The following DDX3X variants were observed in gnomAD, a reference collection of about 807,000 sequenced individuals.
DDX3X encodes ATP-dependent RNA helicase DDX3X.
Under a neutral mutation model 52.7 loss-of-function variants are expected in DDX3X, and 4 were observed. The ratio of observed to expected loss-of-function variants is 0.08; its 90% CI spans 0.04 to 0.17. The LOEUF (loss-of-function observed/expected upper bound fraction) is 0.17, where lower values mean the gene tolerates loss of function less well. DDX3X is among the 10% of genes least tolerant of loss of function. The probability of loss-of-function intolerance (pLI) is 1.00; values close to 1 mark genes in which losing one functional copy is unlikely to be tolerated. For missense variants in DDX3X, 222 were observed against 548.6 expected (o/e 0.40, Z 5.95); for synonymous variants, 192 against 178.1 (o/e 1.08, Z -0.62).
chrX:41,340,710 G>C (rs1325197220), intron 3 of DDX3X: 1 of 291,842 alleles, frequency 3.4e-6, no homozygotes, highest in Non-Finnish European at 6.0e-6. Flanking sequence ...TAGTGTTCTT[G>C]TACTTTATAC....
Position 41,347,839 on chromosome X carries a change from C to A in DDX3X, c.*120C>A. 1 of 488,664 alleles carries A rather than the reference C, an allele frequency of 2.0e-6. No individual in the cohort carries two copies. The highest frequency in any genetic ancestry group is 3.4e-6 in the Non-Finnish European group (1 of 295,956). The allele number at this position is 488,664 out of a possible 1,213,427, so 40.3% of individuals were successfully genotyped here. A position where few individuals can be genotyped will look rare whatever the true frequency, so the allele number is the denominator to read the frequency against. ...CAGTACATTACCAGCTGTGATTCTC[C>A]ACTGAAATTTTTTTTTTAAGGGAGC... is the stretch of plus-strand genomic sequence containing the variant. On this transcript the variant is annotated 3_prime_UTR_variant, in exon 17 of 17. Transcript: ENST00000644876.
chrX:41,343,566 T>G, intron 7 of DDX3X, 171 bp from the exon 8 acceptor site: 1 of 539,245 alleles, frequency 1.9e-6, no homozygotes, highest in South Asian at 3.7e-5. Context: ...TACAAAATAG[T>G]CTCAGTTTGC....
chrX:41,334,307 A>C lies in DDX3X; in HGVS notation c.45+10A>C, dbSNP rs1191798525. ...CGGGCTGGACCAGCAGGTGAGCCGC[A>C]AGAACCCCACCGGGCTGGCTGCTGC... On this transcript the variant is annotated intron_variant, in intron 1 of 16. Transcript: ENST00000644876. 2.5e-6 allele frequency: 3 copies of C among 1,209,178 alleles called. No homozygotes were observed. Among genetic ancestry groups the C allele is most frequent in the Non-Finnish European group, 3.4e-6 (3 of 894,368 alleles).
intron 15 of DDX3X, 137 bp downstream of exon 15, chrX:41,347,149 T>G: frequency 1.1e-6 from 1 of 909,840 alleles, no homozygotes; most frequent in Non-Finnish European, 1.5e-6. Flanking sequence ...CTAGATTCTT[T>G]GGTAAGGGGT....
At chrX:41,339,293 A>T (rs777631273) in intron 3 of DDX3X, 12 of 200,182 alleles carry the variant, frequency 6.0e-5, no homozygotes, top group South Asian at 2.5e-4. Flanking sequence ...CCTATGTCAA[A>T]CTGTTCTGAC....
intron 6 of DDX3X, 68 bp downstream of exon 6, chrX:41,342,904 G>A (rs1407050303): frequency 2.2e-6 from 2 of 921,736 alleles, no homozygotes; most frequent in African/African-American, 3.9e-5. Context: ...ATTAGAATGT[G>A]AGATGGGCTT....
intron 14 of DDX3X, 63 bp from the exon 15 acceptor site, chrX:41,346,796 G>A: frequency 9.4e-7 from 1 of 1,061,857 alleles, no homozygotes; most frequent in Non-Finnish European, 1.3e-6. Context: ...AGGAAAGTAA[G>A]AATAGTAGCA....
chrX:41,344,413 T>C lies in DDX3X; in HGVS notation c.1025+14T>C. Reference sequence around the variant, plus strand: ...AGACTTTTGCAAGTATGTTTTATTTTGTTTTTGTTTTTTTGTTTTGTTTTG... The same window carrying C: ...AGACTTTTGCAAGTATGTTTTATTTCGTTTTTGTTTTTTTGTTTTGTTTTG... On this transcript the variant is annotated intron_variant, in intron 10 of 16. Transcript: ENST00000644876. 1 of 1,208,182 alleles carries C rather than the reference T, an allele frequency of 8.3e-7. No individual in the cohort carries two copies. Among genetic ancestry groups the C allele is most frequent in the Admixed American group, 2.2e-5 (1 of 45,982 alleles).
chrX:41,353,157 T>C (rs755407378), downstream of DDX3X, among the ~76,000 whole-genome samples: 1 of 110,675 alleles, frequency 9.0e-6, no homozygotes, highest in South Asian at 3.8e-4. Flanking sequence ...GCTAAACTAA[T>C]GTTTTAAAAT....
intron 5 of DDX3X, among the ~76,000 whole-genome samples, chrX:41,360,881 G>C (rs937865816): frequency 2.8e-5 from 3 of 108,751 alleles, no homozygotes; most frequent in Non-Finnish European, 3.8e-5. Flanking sequence ...TCTTTGTTTG[G>C]GGGGGGCACA....
At chrX:41,357,729 T>A in intron 5 of DDX3X, 1 of 278,243 alleles carries the variant, frequency 3.6e-6, no homozygotes, top group Non-Finnish European at 6.3e-6. Context: ...AGCCACTGCG[T>A]GCAGCCTAAA....
upstream of DDX3X, chrX:41,333,484 C>T (rs1276161395): frequency 2.8e-5 from 3 of 108,110 alleles, no homozygotes; most frequent in African/African-American, 1.0e-4. Context: ...CCTCCCCCGT[C>T]CGGAGCACTC....
downstream of DDX3X, among the ~76,000 whole-genome samples, chrX:41,351,896 G>A (rs2063989788): frequency 9.1e-6 from 1 of 110,191 alleles, no homozygotes; most frequent in Non-Finnish European, 1.9e-5. Flanking sequence ...AGGATATTTT[G>A]TGACTTGGAA....
At chrX:41,343,971 G>A (rs2063887823) in intron 8 of DDX3X, 59 bp from the exon 9 acceptor site, 4 of 1,043,759 alleles carry the variant, frequency 3.8e-6, no homozygotes, top group Admixed American at 5.5e-5. Flanking sequence ...GAATTATGTT[G>A]TGATGAACTT....
downstream of DDX3X, among the ~76,000 whole-genome samples, chrX:41,352,201 A>G (rs1246014844): frequency 9.0e-6 from 1 of 111,663 alleles, no homozygotes; most frequent in Non-Finnish European, 1.9e-5. Flanking sequence ...TCAAAGGGTC[A>G]TTAGGTAGGC....
rs777556236 is a variant in DDX3X, at chrX:41,345,192, A to G, written c.1038A>G (p.Leu346=). The part of the protein sequence containing the change: ...IGLDFCKYLV[L]DEADRMLDMG... ...CATGACATGACAGATACTTGGTGTT[A>G]GATGAAGCTGATCGGATGTTGGATA... Residue 346 remains leucine, a synonymous_variant, in exon 11 of 17, where the codon TTA becomes TTG. Transcript: ENST00000644876. 1.2e-5 allele frequency: 14 copies of G among 1,210,895 alleles called. No homozygotes were observed. The highest frequency in any genetic ancestry group is 3.5e-5 in the South Asian group (2 of 56,828).
At chrX:41,337,510 A>G in intron 2 of DDX3X, 45 bp downstream of exon 2, 1 of 1,065,226 alleles carries the variant, frequency 9.4e-7, no homozygotes, top group Admixed American at 2.6e-5. Context: ...AGAGCTTAAC[A>G]TCTTAAGATT....
At chrX:41,359,412 C>A in intron 5 of DDX3X, among the ~76,000 whole-genome samples, 1 of 106,815 alleles carries the variant, frequency 9.4e-6, no homozygotes, top group East Asian at 3.0e-4. Context: ...ACCAGCCTGG[C>A]CAACATGGTA....
chrX:41,335,744 C>T (rs1477219571), intron 1 of DDX3X: 1 of 112,077 alleles, frequency 8.9e-6, no homozygotes, highest in Non-Finnish European at 1.9e-5. Flanking sequence ...GCATTTTCTA[C>T]CCGTTAATGA....
Sources: allele counts gnomAD v4.1 joint callset (sites outside exome capture counted in the v4.1 genomes callset), GRCh38; gene constraint gnomAD v4.1.1; transcripts MANE v1.5; gene names NCBI Gene and HGNC (gene_info 2026-07-23, HGNC 2026-07-21).